Variants in NCOA3 observed in about 807,000 individuals in gnomAD.
NCOA3 encodes CBP-interacting protein.
Under a neutral mutation model 158.8 loss-of-function variants are expected in NCOA3, and 51 were observed. The ratio of observed to expected loss-of-function variants is 0.32; its 90% CI spans 0.26 to 0.41. The LOEUF (loss-of-function observed/expected upper bound fraction) is 0.41. NCOA3 is among the 10% of genes least tolerant of loss of function. The pLI is 1.00. For missense variants in NCOA3, 1,510 were observed against 1,746.6 expected (o/e 0.86, Z 2.41); for synonymous variants, 537 against 592.4 (o/e 0.91, Z 1.36).
At chr20:47,556,249 T>G (rs2085005619) in intron 1 of NCOA3, among the ~76,000 whole-genome samples, 1 of 152,244 alleles carries the variant, frequency 6.6e-6, no homozygotes, top group South Asian at 2.1e-4. Flanking sequence ...AAAGTTATTT[T>G]GTATTCCACA....
Position 47,625,498 on chromosome 20 carries a change from T to C in NCOA3, c.357+17T>C, listed in dbSNP as rs892698730. The C allele has an allele frequency of 1.1e-5, 17 of 1,523,530 alleles. No homozygotes were observed. The highest frequency in any genetic ancestry group is 1.4e-5 in the Non-Finnish European group (15 of 1,097,724). The allele number at this position is 1,523,530 out of a possible 1,614,324, so 94.4% of individuals were successfully genotyped here. A position where few individuals can be genotyped will look rare whatever the true frequency, so the allele number is the denominator to read the frequency against. ...TTACTTCAGGCAAGTATAAAGATTT[T>C]AACTGTCCAGTAGGCTGTATTGCCC... On this transcript the variant is annotated intron_variant, in intron 5 of 22. Transcript: ENST00000371998.
chr20:47,614,068 G>A (rs1476777471), intron 2 of NCOA3, among the ~76,000 whole-genome samples: 1 of 151,628 alleles, frequency 6.6e-6, no homozygotes, highest in Non-Finnish European at 1.5e-5. Flanking sequence ...ACAGTTCCAC[G>A]TTATAAAAGC....
At chr20:47,648,282 A>T (rs1035453620) in intron 18 of NCOA3, among the ~76,000 whole-genome samples, 4 of 152,078 alleles carry the variant, frequency 2.6e-5, no homozygotes, top group African/African-American at 9.7e-5. Context: ...AGGTACTCAG[A>T]AAAGCTGTGT....
intron 2 of NCOA3, among the ~76,000 whole-genome samples, chr20:47,604,778 A>G (rs2085917259): frequency 6.6e-6 from 1 of 152,186 alleles, no homozygotes; most frequent in Non-Finnish European, 1.5e-5. Flanking sequence ...TTTATTTTAA[A>G]CCAATTTCAA....
At chr20:47,649,661 T>C (rs1444311853) in intron 19 of NCOA3, among the ~76,000 whole-genome samples, 1 of 152,170 alleles carries the variant, frequency 6.6e-6, no homozygotes, top group African/African-American at 2.4e-5. Flanking sequence ...AATCCTCTAT[T>C]GTGATTTGAA....
chr20:47,580,174 C>G (rs919020245), intron 1 of NCOA3, among the ~76,000 whole-genome samples: 1 of 152,130 alleles, frequency 6.6e-6, no homozygotes, highest in Admixed American at 6.6e-5. Flanking sequence ...AGCACTATAA[C>G]ACTGGAGTAT....
intron 1 of NCOA3, among the ~76,000 whole-genome samples, chr20:47,545,613 G>C (rs1285511600): frequency 1.3e-5 from 2 of 151,220 alleles, no homozygotes; most frequent in African/African-American, 4.9e-5. Flanking sequence ...ATATCATGAA[G>C]GTTTTCTTAG....
intron 2 of NCOA3, among the ~76,000 whole-genome samples, chr20:47,605,014 C>T (rs1237959456): frequency 6.6e-6 from 1 of 152,108 alleles, no homozygotes; most frequent in Non-Finnish European, 1.5e-5. Context: ...ACTACAGGCG[C>T]ATGCCACTAC....
In NCOA3 at chr20:47,636,573, TAAG is replaced by T. The variant is rs1475395274; in HGVS notation, c.2194_2196del (p.Lys732del). 6.2e-7 allele frequency: 1 copy of T among 1,614,180 alleles called. No individual in the cohort carries two copies. The highest frequency in any genetic ancestry group is 8.5e-7 in the Non-Finnish European group (1 of 1,180,040). On this transcript the variant is annotated inframe_deletion, in exon 12 of 23. Coordinates refer to ENST00000371998, the MANE Select transcript of NCOA3 (RefSeq NM_181659.3). ...TTGTCAAGCAGGAGCAGCTAAGTCC[TAAG>T]AAGAAGGAGAATAATGCACTTCTTA...
intron 1 of NCOA3, among the ~76,000 whole-genome samples, chr20:47,524,020 A>G (rs2084386828): frequency 6.6e-6 from 1 of 152,266 alleles, no homozygotes; most frequent in South Asian, 2.1e-4. Context: ...CCATCTTAAT[A>G]GGAGCCAGAA....
intron 5 of NCOA3, 56 bp downstream of exon 5, chr20:47,625,537 A>T: frequency 1.7e-6 from 2 of 1,212,096 alleles, no homozygotes; most frequent in Non-Finnish European, 2.4e-6. Context: ...GGTTTATTAT[A>T]AAGTTATAAA....
chr20:47,592,060 G>C (rs2146240722), intron 2 of NCOA3, among the ~76,000 whole-genome samples: 1 of 152,122 alleles, frequency 6.6e-6, no homozygotes, highest in South Asian at 2.1e-4. Flanking sequence ...CTTTTGTTTT[G>C]AGGTGGAGTT....
intron 2 of NCOA3, among the ~76,000 whole-genome samples, chr20:47,620,532 C>A (rs534766696): frequency 1.3e-5 from 2 of 152,152 alleles, no homozygotes; most frequent in Non-Finnish European, 2.9e-5. Context: ...TTATCTCCCC[C>A]CCGGGTCAGG....
In NCOA3 at chr20:47,652,928, C is replaced by T. The variant is rs201990647; in HGVS notation, c.4122-3C>T. The T allele has an allele frequency of 1.8e-5, 29 of 1,613,880 alleles. No individual in the cohort carries two copies. The highest frequency in any genetic ancestry group is 1.4e-4 in the South Asian group (13 of 91,048). On this transcript the variant is annotated splice_polypyrimidine_tract_variant and splice_region_variant and intron_variant, in intron 21 of 22. Coordinates refer to ENST00000371998, the MANE Select transcript of NCOA3 (RefSeq NM_181659.3). ...GGTAATATTACCATTTGTTTACTTA[C>T]AGCTCCTTTTCCCAGCAGCAGTTTG...
rs764068924 is a variant in NCOA3, at chr20:47,635,445, G to A, written c.1236G>A (p.Pro412=). 13 of 1,614,030 alleles carry A rather than the reference G, an allele frequency of 8.1e-6. No homozygotes were observed. The highest frequency in any genetic ancestry group is 6.6e-5 in the South Asian group (6 of 91,084). ...CGCCAAACCAAGGCTTACAGATGCC[G>A]AGCAGCAGGGCCTATGGCTTGGCAG... ...SMSPNQGLQM[P]SSRAYGLADP... The change falls in exon 11 of 23, where the codon CCG becomes CCA. Residue 412 remains proline (P), a synonymous_variant. Transcript: ENST00000371998.
chr20:47,593,024 C>G (rs902180908), intron 2 of NCOA3, among the ~76,000 whole-genome samples: 6 of 152,076 alleles, frequency 3.9e-5, no homozygotes, highest in African/African-American at 1.4e-4. Context: ...ATCTCTGCCT[C>G]CCAGGTTCAA....
chr20:47,587,485 G>A (rs2085554176), intron 2 of NCOA3, among the ~76,000 whole-genome samples: 1 of 152,190 alleles, frequency 6.6e-6, no homozygotes, highest in African/African-American at 2.4e-5. Flanking sequence ...ACCTGAGGGT[G>A]ATTGGGTCTA....
intron 1 of NCOA3, among the ~76,000 whole-genome samples, chr20:47,559,679 G>A (rs892835676): frequency 2.0e-5 from 3 of 152,012 alleles, no homozygotes; most frequent in African/African-American, 7.2e-5. Context: ...TCAGGAGTTC[G>A]AGACCAGTCT....
intron 2 of NCOA3, among the ~76,000 whole-genome samples, chr20:47,601,516 ATAGAAT>A (rs2085862529): frequency 6.6e-6 from 1 of 152,250 alleles, no homozygotes. Context: ...TAATTAAGAA[ATAGAAT>A]TAGCCTAAAT....
Sources: gnomAD v4.1 joint callset for allele counts (sites outside exome capture counted in the v4.1 genomes callset) on GRCh38, gnomAD v4.1.1 for gene constraint, MANE v1.5 for transcripts, NCBI Gene and HGNC (gene_info 2026-07-23, HGNC 2026-07-21) for gene names.